The following AIG1 variants were observed in gnomAD, a reference collection of about 807,000 sequenced individuals.
AIG1 encodes the protein androgen induced 1.
A neutral mutation model predicts 31.4 loss-of-function variants in AIG1; 23 were observed. The ratio of observed to expected loss-of-function variants is 0.73; its 90% confidence interval spans 0.53 to 1.04. AIG1 has a LOEUF of 1.04. AIG1 is among the 50% of genes least tolerant of loss of function. The pLI is 0.00. For synonymous variants in AIG1, 100 were observed against 110.5 expected (o/e 0.90, Z 0.60); for missense variants, 274 against 295.0 (o/e 0.93, Z 0.52).
At chr6:143,070,198 T>C (rs754335366) in intron 1 of AIG1, among the ~76,000 whole-genome samples, 2 of 152,262 alleles carry the variant, frequency 1.3e-5, no homozygotes, top group African/African-American at 2.4e-5. Context: ...CTTGTTAATA[T>C]CTACAGATAA....
At chr6:143,197,072 C>CTGA (rs1790298363) in intron 3 of AIG1, among the ~76,000 whole-genome samples, 1 of 152,012 alleles carries the variant, frequency 6.6e-6, no homozygotes, top group Admixed American at 6.6e-5. Flanking sequence ...CACTTGCATG[C>CTGA]TGATGATCCA....
chr6:143,273,274 A>G (rs1180313082), intron 3 of AIG1, among the ~76,000 whole-genome samples: 2 of 152,230 alleles, frequency 1.3e-5, no homozygotes, highest in Admixed American at 1.3e-4. Flanking sequence ...CAGGTGAATA[A>G]CATTAAAATC....
downstream of AIG1, chr6:143,342,705 A>T: frequency 8.7e-7 from 1 of 1,146,484 alleles, no homozygotes; most frequent in Non-Finnish European, 1.3e-6. Flanking sequence ...GACTTCAGAA[A>T]GGAGATTAAC....
chr6:143,284,156 A>T lies in AIG1; in HGVS notation c.446A>T (p.His149Leu). Reference sequence around the variant, plus strand: ...ATATTAATCGAGATGAGGACATCGCACCATCAGTATCCCAGCAGGAGCAGC... The same window carrying T: ...ATATTAATCGAGATGAGGACATCGCTCCATCAGTATCCCAGCAGGAGCAGC... ...PFILIEMRTSHHQYPSRSSGL... is the reference protein window; with the variant it reads ...PFILIEMRTSLHQYPSRSSGL... Residue 149 changes from histidine to leucine, a missense_variant, in exon 4 of 6, where the codon CAC (histidine) becomes CTC (leucine). This residue lies in a region of AIG1 where 243 missense variants were observed against 238.5 expected (regional missense o/e 1.02). Coordinates refer to ENST00000357847, the MANE Select transcript of AIG1 (RefSeq NM_016108.4). The surrounding 1 kb of genome is among the most constrained non-coding windows in gnomAD (Gnocchi z 4.4). 3 of 1,614,118 alleles carry T rather than the reference A, an allele frequency of 1.9e-6. No individual in the cohort carries two copies. Among genetic ancestry groups the T allele is most frequent in the Non-Finnish European group, 1.7e-6 (2 of 1,179,996 alleles).
chr6:143,296,196 C>G (rs1056363419), intron 4 of AIG1, among the ~76,000 whole-genome samples: 2 of 152,136 alleles, frequency 1.3e-5, no homozygotes, highest in African/African-American at 4.8e-5. Context: ...TTTATTGTCT[C>G]TTCTCCCACC....
At position 143,309,807 on chromosome 6, in the gene AIG1, A is replaced by G. The variant is rs147316116; in HGVS notation, c.516-23475A>G. On this transcript the variant is annotated intron_variant, in intron 4 of 5. Transcript: ENST00000357847. ...CTGGGCTAAGAGTAAAATGATGAAG[A>G]AAGATATGCTAACACTAATCAAAAT... is the stretch of plus-strand genomic sequence containing the variant. Among the ~76,000 whole-genome samples the G allele has an allele frequency of 1.9e-3, 291 of 151,320 alleles. 5 individuals are homozygous for G. The highest frequency in any genetic ancestry group is 3.2e-4 in the Non-Finnish European group (22 of 67,712).
intron 4 of AIG1, among the ~76,000 whole-genome samples, chr6:143,310,199 T>C (rs1006312528): frequency 5.9e-5 from 9 of 151,870 alleles, no homozygotes; most frequent in African/African-American, 2.2e-4. Flanking sequence ...CACATTCCAC[T>C]CAAGCTTATG....
At chr6:143,199,683 A>G (rs1248699828) in intron 3 of AIG1, among the ~76,000 whole-genome samples, 2 of 152,216 alleles carry the variant, frequency 1.3e-5, no homozygotes, top group African/African-American at 4.8e-5. Context: ...TTTTGAGTCA[A>G]CTAAGCAAGA....
At chr6:143,181,093 T>C (rs1287086410) in intron 3 of AIG1, among the ~76,000 whole-genome samples, 2 of 152,210 alleles carry the variant, frequency 1.3e-5, no homozygotes, top group Non-Finnish European at 2.9e-5. Flanking sequence ...ATGGAGTCTG[T>C]GCCACACTGA....
chr6:143,239,575 C>T (rs1794077407), intron 3 of AIG1, among the ~76,000 whole-genome samples: 1 of 152,188 alleles, frequency 6.6e-6, no homozygotes, highest in Non-Finnish European at 1.5e-5. Context: ...TTTCACCACA[C>T]GATCTTGTTT....
At chr6:143,220,796 C>T (rs1003682315) in intron 3 of AIG1, among the ~76,000 whole-genome samples, 1 of 152,214 alleles carries the variant, frequency 6.6e-6, no homozygotes, top group African/African-American at 2.4e-5. Flanking sequence ...CAGCTGGCAG[C>T]ACATTTATTA....
At chr6:143,136,363 A>C (rs545781399) in intron 1 of AIG1, among the ~76,000 whole-genome samples, 114 of 152,332 alleles carry the variant, frequency 7.5e-4, no homozygotes, top group African/African-American at 2.6e-3. Context: ...AAAGTTTTTC[A>C]CATTTAGACT....
At chr6:143,253,507 C>T (rs191127540) in intron 3 of AIG1, among the ~76,000 whole-genome samples, 1 of 152,306 alleles carries the variant, frequency 6.6e-6, no homozygotes, top group East Asian at 1.9e-4. Context: ...CATAGCCATG[C>T]AGGGAAGTTA....
intron 4 of AIG1, among the ~76,000 whole-genome samples, chr6:143,316,542 A>T (rs980421649): frequency 6.6e-6 from 1 of 152,118 alleles, no homozygotes; most frequent in Non-Finnish European, 1.5e-5. Flanking sequence ...TGCCTACATC[A>T]AAAGCTCTGA....
At chr6:143,253,986 C>T (rs867594431) in intron 3 of AIG1, among the ~76,000 whole-genome samples, 11 of 152,292 alleles carry the variant, frequency 7.2e-5, no homozygotes, top group South Asian at 2.1e-4. Context: ...AGTCTTCTCT[C>T]GCTTCCTAGC....
At chr6:143,193,868 G>A (rs1789991758) in intron 3 of AIG1, among the ~76,000 whole-genome samples, 1 of 152,206 alleles carries the variant, frequency 6.6e-6, no homozygotes, top group Non-Finnish European at 1.5e-5. Flanking sequence ...CATACTGAAG[G>A]TTAGAGAATT....
chr6:143,087,692 G>A (rs941716078), intron 1 of AIG1, among the ~76,000 whole-genome samples: 2 of 152,212 alleles, frequency 1.3e-5, no homozygotes, highest in African/African-American at 4.8e-5. Context: ...AATGGGAGGG[G>A]ACCCAAAAGG....
intron 3 of AIG1, among the ~76,000 whole-genome samples, chr6:143,261,288 T>G (rs1583656908): frequency 6.6e-6 from 1 of 152,150 alleles, no homozygotes; most frequent in African/African-American, 2.4e-5. Context: ...CACACCACCA[T>G]GCACGGGTTA....
chr6:143,082,133 A>C (rs1778319003), intron 1 of AIG1, among the ~76,000 whole-genome samples: 1 of 152,226 alleles, frequency 6.6e-6, no homozygotes, highest in Admixed American at 6.5e-5. Context: ...CTAGGTAAGC[A>C]TACTTAGTCT....
Sources: gnomAD v4.1 joint callset for allele counts (sites outside exome capture counted in the v4.1 genomes callset) on GRCh38, gnomAD v4.1.1 for gene constraint, gnomAD v4.1.1 regional missense constraint, Gnocchi (gnomAD v3.1) non-coding constraint, MANE v1.5 for transcripts, NCBI Gene and HGNC (gene_info 2026-07-23, HGNC 2026-07-21) for gene names.